VTI1A: variants seen among roughly 807,000 people sequenced by gnomAD.
VTI1A encodes the protein vesicle transport through interaction with t-SNAREs 1A, also known as vesicle transport through interaction with t-SNAREs homolog 1A.
Under a neutral mutation model 34.9 loss-of-function variants are expected in VTI1A, and 22 were observed. That is an observed-to-expected ratio of 0.63 (90% CI 0.45 to 0.90). The LOEUF (loss-of-function observed/expected upper bound fraction) is 0.90. VTI1A is among the 40% of genes least tolerant of loss of function. The pLI, the probability that VTI1A is intolerant of heterozygous loss-of-function variation, is 0.00. For missense variants in VTI1A, 268 were observed against 275.6 expected, an observed-to-expected ratio of 0.97 and a Z score of 0.20; for synonymous variants, 87 against 97.3, an observed-to-expected ratio of 0.89 and a Z score of 0.62.
chr10:112,498,746 T>G (rs1019069503), intron 3 of VTI1A, among the ~76,000 whole-genome samples: 25 of 148,850 alleles, frequency 1.7e-4, no homozygotes, highest in Admixed American at 6.0e-4. Flanking sequence ...TGACCACCAT[T>G]TTTTTTTTGT....
At chr10:112,566,696 T>C (rs1400150081) in intron 5 of VTI1A, among the ~76,000 whole-genome samples, 1 of 152,172 alleles carries the variant, frequency 6.6e-6, no homozygotes, top group Non-Finnish European at 1.5e-5. Context: ...GCAAACGTTA[T>C]GAAAGTATTT....
chr10:112,837,403 T>A, the VTI1A span, among the ~76,000 whole-genome samples: 30 of 152,262 alleles, frequency 2.0e-4, no homozygotes, highest in South Asian at 6.2e-3. Context: ...GACCCACCGA[T>A]GTGGATCCTG....
intron 7 of VTI1A, among the ~76,000 whole-genome samples, chr10:112,691,531 A>G (rs1233926588): frequency 6.6e-6 from 1 of 152,150 alleles, no homozygotes; most frequent in South Asian, 2.1e-4. Flanking sequence ...CAGTAGCTAC[A>G]TTTCGAGGCA....
chr10:112,618,161 TAAATAAATA>T (rs1845575892), intron 5 of VTI1A, among the ~76,000 whole-genome samples: 1 of 151,706 alleles, frequency 6.6e-6, no homozygotes, highest in South Asian at 2.1e-4. Context: ...CTCAAAAAAA[TAAATAAATA>T]AAATACAAGA....
chr10:112,456,927 G>A (rs1847550441), intron 1 of VTI1A, among the ~76,000 whole-genome samples: 1 of 152,090 alleles, frequency 6.6e-6, no homozygotes, highest in East Asian at 1.9e-4. Flanking sequence ...AAGCTGGGTG[G>A]CTCATTTTTG....
chr10:112,543,790 T>C (rs1252129841), intron 5 of VTI1A, among the ~76,000 whole-genome samples: 4 of 152,238 alleles, frequency 2.6e-5, no homozygotes, highest in Non-Finnish European at 5.9e-5. Flanking sequence ...CTAGGTTTTC[T>C]TCTAGAGTTT....
In VTI1A at chr10:112,669,030, CTG is replaced by C. The variant is rs759150436; in HGVS notation, c.560+38_560+39del. Reference sequence around the variant, plus strand: ...GCAAGGTAGGGACATATCTTTCTCTCTGTGTGTTTTTTTAAAATACTATGTTT... The same window carrying C: ...GCAAGGTAGGGACATATCTTTCTCTCTGTGTTTTTTTAAAATACTATGTTT... On this transcript the variant is annotated intron_variant, in intron 7 of 7. Transcript: ENST00000393077. 4 of 1,606,418 alleles carry C rather than the reference CTG, an allele frequency of 2.5e-6. No individual in the cohort carries two copies. In the East Asian group the frequency reaches 6.7e-5, roughly 27 times the overall value.
chr10:112,488,362 C>T (rs1408371775), intron 3 of VTI1A, among the ~76,000 whole-genome samples: 1 of 152,078 alleles, frequency 6.6e-6, no homozygotes, highest in Non-Finnish European at 1.5e-5. Flanking sequence ...AAATAATTGT[C>T]CAACTAGCTA....
intron 1 of VTI1A, among the ~76,000 whole-genome samples, chr10:112,459,927 A>G (rs1201637841): frequency 1.3e-5 from 2 of 152,190 alleles, no homozygotes; most frequent in African/African-American, 4.8e-5. Flanking sequence ...TTTTATTTCC[A>G]TTTTAGAGAG....
At chr10:112,711,735 T>C (rs1849423848) in intron 7 of VTI1A, among the ~76,000 whole-genome samples, 1 of 152,204 alleles carries the variant, frequency 6.6e-6, no homozygotes, top group South Asian at 2.1e-4. Flanking sequence ...TATTTTCTAC[T>C]ATGTGGTCCA....
intron 1 of VTI1A, chr10:112,450,580 A>T (rs1016005879): frequency 6.6e-6 from 1 of 152,266 alleles, no homozygotes; most frequent in East Asian, 1.9e-4. Flanking sequence ...TATTGAAATG[A>T]ACTTTACTCT....
chr10:112,673,468 G>GCGCACACACA (rs1554938762), intron 7 of VTI1A, among the ~76,000 whole-genome samples: 29,091 of 151,600 alleles, frequency 0.19, 3,000 homozygotes, highest in East Asian at 0.35. Flanking sequence ...GCGTGCGCGC[G>GCGCACACACA]CACACACACA....
chr10:112,604,625 A>C (rs1467358950), intron 5 of VTI1A, among the ~76,000 whole-genome samples: 1 of 152,158 alleles, frequency 6.6e-6, no homozygotes, highest in Admixed American at 6.5e-5. Context: ...TCTACACATC[A>C]CCTCTTTCTC....
At chr10:112,800,815 T>A (rs1852852316) in intron 7 of VTI1A, among the ~76,000 whole-genome samples, 3 of 152,228 alleles carry the variant, frequency 2.0e-5, no homozygotes, top group South Asian at 4.1e-4. Flanking sequence ...CTGGTACATC[T>A]TCTCCTACTA....
chr10:112,545,818 C>T (rs1305974119), intron 5 of VTI1A, among the ~76,000 whole-genome samples: 1 of 151,836 alleles, frequency 6.6e-6, no homozygotes, highest in Non-Finnish European at 1.5e-5. Context: ...CATTGAATCT[C>T]GTGTGTGTGT....
chr10:112,714,039 G>C (rs75900892), intron 7 of VTI1A, among the ~76,000 whole-genome samples: 5,606 of 152,050 alleles, frequency 0.037, 145 homozygotes, highest in Non-Finnish European at 0.058. Context: ...AGCATTCTAG[G>C]TCTCCCCACT....
At chr10:112,763,158 C>T (rs936372660) in intron 7 of VTI1A, among the ~76,000 whole-genome samples, 1 of 152,076 alleles carries the variant, frequency 6.6e-6, no homozygotes, top group African/African-American at 2.4e-5. Flanking sequence ...GGCGCAGTGG[C>T]TCACACCTGT....
rs1205252838 is a variant in VTI1A at position 112,609,358 on chromosome 10, T to C, written c.428-58860T>C. 2.6e-5 allele frequency among the ~76,000 whole-genome samples: 4 copies of C among 152,320 alleles called. 1 individual carries two copies. The highest frequency in any genetic ancestry group is 4.8e-5 in the African/African-American group (2 of 41,584). ...CTTTGGAACAAGATCATTAAAAATATGAAAAACTTCTTTTGGGTAGTTAAA... is the reference window on the plus strand; with the variant it reads ...CTTTGGAACAAGATCATTAAAAATACGAAAAACTTCTTTTGGGTAGTTAAA... On this transcript the variant is annotated intron_variant, in intron 5 of 7. Transcript: ENST00000393077.
At chr10:112,676,125 T>A (rs968280346) in intron 7 of VTI1A, among the ~76,000 whole-genome samples, 7 of 152,244 alleles carry the variant, frequency 4.6e-5, no homozygotes, top group Non-Finnish European at 8.8e-5. Context: ...TCTAGGTTGA[T>A]GAATTTTAAA....
Sources: allele counts gnomAD v4.1 joint callset (sites outside exome capture counted in the v4.1 genomes callset), GRCh38; gene constraint gnomAD v4.1.1; transcripts MANE v1.5; gene names NCBI Gene and HGNC (gene_info 2026-07-23, HGNC 2026-07-21).